DYNC2I1: variants seen among roughly 807,000 people sequenced by gnomAD.
DYNC2I1 encodes dynein 2 intermediate chain 1.
In DYNC2I1, 89 loss-of-function variants were observed where a neutral mutation model predicts 133.4. The observed-to-expected ratio is 0.67, with a 90% CI of 0.56 to 0.80. The LOEUF (loss-of-function observed/expected upper bound fraction) is 0.80, where lower values mean the gene tolerates loss of function less well. DYNC2I1 is among the 30% of genes least tolerant of loss of function. DYNC2I1 has a pLI of 0.00. For synonymous variants in DYNC2I1, 504 were observed against 484.3 expected (o/e 1.04, Z -0.54); for missense variants, 1,291 against 1,314.5 (o/e 0.98, Z 0.28).
rs1846326688 is a variant in DYNC2I1 at position 158,902,234 on chromosome 7, CAG to C, written c.1138-141_1138-140del. 8.5e-6 allele frequency: 6 copies of C among 702,326 alleles called. No individual in the cohort carries two copies. The South Asian group carries it at 1.2e-4, about 15-fold the overall frequency. The allele number at this position is 702,326 out of a possible 1,614,324, so 43.5% of individuals were successfully genotyped here. On this transcript the variant is annotated intron_variant, in intron 9 of 24. Coordinates refer to ENST00000407559, the MANE Select transcript of DYNC2I1 (RefSeq NM_018051.5). ...AATTTACCTTCAAAAACATTAAAAT[CAG>C]GGAACTATAAATATCTTTCTTAGCT... is the stretch of plus-strand genomic sequence containing the variant.
chr7:158,874,106 A>G (rs920256938), intron 3 of DYNC2I1, among the ~76,000 whole-genome samples: 10 of 149,032 alleles, frequency 6.7e-5, no homozygotes, highest in African/African-American at 1.7e-4. Context: ...GGGGCTCCAC[A>G]TGTTGCCCAG....
At chr7:158,906,243 C>T (rs1385569529) in intron 11 of DYNC2I1, among the ~76,000 whole-genome samples, 152 bp downstream of exon 11, 8 of 152,106 alleles carry the variant, frequency 5.3e-5, no homozygotes, top group African/African-American at 1.9e-4. Flanking sequence ...GTGTTGAGAT[C>T]TTATGTTAGT....
chr7:158,893,849 T>C (rs1845478598), intron 8 of DYNC2I1, among the ~76,000 whole-genome samples: 1 of 152,018 alleles, frequency 6.6e-6, no homozygotes, highest in East Asian at 1.9e-4. Context: ...ATAGTGCATA[T>C]CCTACCACAT....
At chr7:158,941,629 C>T (rs1462997916) in intron 23 of DYNC2I1, among the ~76,000 whole-genome samples, 3 of 152,230 alleles carry the variant, frequency 2.0e-5, no homozygotes, top group Non-Finnish European at 2.9e-5. Context: ...CACCTGTACT[C>T]CCAGCACTTT....
intron 17 of DYNC2I1, among the ~76,000 whole-genome samples, chr7:158,925,977 G>A (rs1283517073): frequency 6.6e-6 from 1 of 152,188 alleles, no homozygotes; most frequent in East Asian, 1.9e-4. Context: ...GGGCCCGTGT[G>A]TCCTAGGAAT....
At chr7:158,948,080 C>T (rs1199046874), downstream of DYNC2I1, among the ~76,000 whole-genome samples, 2 of 152,214 alleles carry the variant, frequency 1.3e-5, no homozygotes, top group Non-Finnish European at 2.9e-5. Flanking sequence ...GTGCAGCCTG[C>T]CCTGGCGCTA....
intron 1 of DYNC2I1, among the ~76,000 whole-genome samples, chr7:158,859,127 C>G (rs928602937): frequency 4.0e-5 from 6 of 149,500 alleles, no homozygotes; most frequent in Admixed American, 2.0e-4. Context: ...TCCCAAAGTG[C>G]TGGGACTACA....
At chr7:158,888,999 T>C (rs908209395) in intron 7 of DYNC2I1, among the ~76,000 whole-genome samples, 1 of 151,914 alleles carries the variant, frequency 6.6e-6, no homozygotes, top group Non-Finnish European at 1.5e-5. Context: ...TATATTGGTA[T>C]GTATATTTAG....
At chr7:158,937,557 C>T (rs1365116965) in intron 23 of DYNC2I1, among the ~76,000 whole-genome samples, 1 of 145,526 alleles carries the variant, frequency 6.9e-6, no homozygotes, top group Non-Finnish European at 1.5e-5. Flanking sequence ...ACCTGGGAGG[C>T]AGAGCTTGCA....
At chr7:158,891,059 G>A (rs1845163279) in intron 7 of DYNC2I1, among the ~76,000 whole-genome samples, 1 of 152,248 alleles carries the variant, frequency 6.6e-6, no homozygotes. Context: ...CCGAGGCACA[G>A]AGGGTTGAAG....
At chr7:158,877,379 T>C (rs1261307078) in intron 4 of DYNC2I1, among the ~76,000 whole-genome samples, 1 of 152,258 alleles carries the variant, frequency 6.6e-6, no homozygotes, top group Non-Finnish European at 1.5e-5. Flanking sequence ...TGTGTTTGTG[T>C]TTTTTCTTTA....
chr7:158,914,600 A>G (rs535503288), intron 14 of DYNC2I1, among the ~76,000 whole-genome samples: 2 of 152,028 alleles, frequency 1.3e-5, no homozygotes, highest in Non-Finnish European at 1.5e-5. Flanking sequence ...TAAAACAACT[A>G]TAGACTAGCA....
intron 1 of DYNC2I1, among the ~76,000 whole-genome samples, chr7:158,863,286 G>A (rs573044255): frequency 3.3e-5 from 5 of 151,974 alleles, no homozygotes; most frequent in East Asian, 3.9e-4. Flanking sequence ...TGATTGGTCC[G>A]TTTTTACAGA....
intron 20 of DYNC2I1, among the ~76,000 whole-genome samples, chr7:158,928,071 G>A (rs1849797358): frequency 6.6e-6 from 1 of 152,116 alleles, no homozygotes; most frequent in South Asian, 2.1e-4. Flanking sequence ...CTGCCCCGAG[G>A]GCCCTTAGAC....
intron 14 of DYNC2I1, among the ~76,000 whole-genome samples, chr7:158,915,790 G>T: frequency 6.8e-6 from 1 of 146,596 alleles, no homozygotes; most frequent in Non-Finnish European, 1.5e-5. Flanking sequence ...AAGGATGATT[G>T]TGAAACGTCG....
Position 158,871,258 on chromosome 7 carries a change from G to A in DYNC2I1, c.186G>A (p.Gln62=). 6.2e-7 allele frequency: 1 copy of A among 1,607,172 alleles called. No homozygotes were observed. The change falls in exon 3 of 25, where the codon CAG becomes CAA. Residue 62 remains glutamine (Q), a synonymous_variant. Coordinates refer to ENST00000407559, the MANE Select transcript of DYNC2I1 (RefSeq NM_018051.5). ...HKEPRCRDPD[Q]DARSRDRVAE... ...AGCCGAGGTGCAGGGATCCCGACCA[G>A]GATGCCAGGAGCAGAGACAGGGTGG...
chr7:158,931,844 T>G (rs1441980322), intron 21 of DYNC2I1, among the ~76,000 whole-genome samples: 2 of 152,160 alleles, frequency 1.3e-5, no homozygotes, highest in Non-Finnish European at 2.9e-5. Context: ...AGGAGGCGGA[T>G]GAGTAAACAT....
At position 158,945,027 on chromosome 7, in the gene DYNC2I1, G is replaced by A. The variant is rs186534051; in HGVS notation, c.3003-554G>A. The stretch of plus-strand genomic sequence containing the variant: ...TAGAGCTGGGGCCTGGTCAGGGAGC[G>A]TGTGGTCATCAGAGTGAGGGAAGGG... On this transcript the variant is annotated intron_variant, in intron 24 of 24. Coordinates refer to ENST00000407559, the MANE Select transcript of DYNC2I1 (RefSeq NM_018051.5). The surrounding 1 kb of genome is among the most constrained non-coding windows in gnomAD (Gnocchi z 4.1). Among the ~76,000 whole-genome samples, 206 of 152,254 alleles carry A rather than the reference G, an allele frequency of 1.4e-3. 1 individual carries two copies. The highest frequency in any genetic ancestry group is 0.012 in the South Asian group (58 of 4,818).
Position 158,874,073 on chromosome 7 carries a change from T to TA in DYNC2I1, c.490+2519dup, listed in dbSNP as rs75762743. Among the ~76,000 whole-genome samples the TA allele has an allele frequency of 6.1e-3, 931 of 151,640 alleles. 60 individuals are homozygous for TA. The East Asian group carries it at 0.13, about 21-fold the overall frequency. On this transcript the variant is annotated intron_variant, in intron 3 of 24. Coordinates refer to ENST00000407559, the MANE Select transcript of DYNC2I1 (RefSeq NM_018051.5). ...AGCGCCCGGCCAGCACCTGGATAATTAAAAAAAATTGTTTGTAGAGATGGG... is the reference window on the plus strand; with the variant it reads ...AGCGCCCGGCCAGCACCTGGATAATTAAAAAAAAATTGTTTGTAGAGATGGG...
Sources: gnomAD v4.1 joint callset for allele counts (sites outside exome capture counted in the v4.1 genomes callset) on GRCh38, gnomAD v4.1.1 for gene constraint, Gnocchi (gnomAD v3.1) non-coding constraint, MANE v1.5 for transcripts, NCBI Gene and HGNC (gene_info 2026-07-23, HGNC 2026-07-21) for gene names.